NIN: variants seen among roughly 807,000 people sequenced by gnomAD.
The protein encoded by NIN is glycogen synthase kinase 3 beta-interacting protein.
In NIN, 137 loss-of-function variants were observed where a neutral mutation model predicts 257.6. That is an observed-to-expected ratio of 0.53 (90% CI 0.46 to 0.61). NIN has a LOEUF of 0.61. Ranked by LOEUF, NIN falls within the 20% of genes least tolerant of loss-of-function variation. NIN has a pLI of 0.00. For synonymous variants in NIN, 918 were observed against 919.8 expected (o/e 1.00, Z 0.04); for missense variants, 2,439 against 2,501.2 (o/e 0.98, Z 0.53).
Position 50,752,667 on chromosome 14 carries a change from A to C in NIN, c.4801T>G (p.Ser1601Ala). ...LENTELSQKN[S>A]QNQEKLQELN... ...TCTTGCAGTTTTTCCTGGTTTTGAG[A>C]GTTCTTTTGGCTAAGTTCTGTATTT... The change falls in exon 21 of 31, where the codon TCT (serine) becomes GCT (alanine). Residue 1601 changes from serine to alanine, a missense_variant. This residue lies in a region of NIN where 2,043 missense variants were observed against 2,050.2 expected (regional missense o/e 1.00). Transcript: ENST00000530997. 8 of 1,613,386 alleles carry C rather than the reference A, an allele frequency of 5.0e-6. No homozygotes were observed. Among genetic ancestry groups the C allele is most frequent in the Non-Finnish European group, 6.8e-6 (8 of 1,179,672 alleles).
Position 50,770,968 on chromosome 14 carries a change from T to C in NIN, c.1143A>G (p.Arg381=). ...HLLERVDQVV[R]EKEKLRSDLD... ...GATCTGACCGTAGCTTCTCTTTTTCTCTGACCACCTGATCAACTCGTTCCC... is the reference window on the plus strand; with the variant it reads ...GATCTGACCGTAGCTTCTCTTTTTCCCTGACCACCTGATCAACTCGTTCCC... The change falls in exon 11 of 31, where the codon AGA becomes AGG. Residue 381 remains arginine, a synonymous_variant. Coordinates refer to ENST00000530997, the MANE Select transcript of NIN (RefSeq NM_020921.4). The C allele has an allele frequency of 6.2e-7, 1 of 1,614,142 alleles. No individual in the cohort carries two copies. The highest frequency in any genetic ancestry group is 8.5e-7 in the Non-Finnish European group (1 of 1,180,038).
At chr14:50,795,791 G>C (rs1020166868) in intron 4 of NIN, among the ~76,000 whole-genome samples, 1 of 152,186 alleles carries the variant, frequency 6.6e-6, no homozygotes, top group Non-Finnish European at 1.5e-5. Context: ...GAAATGCCTG[G>C]CCAATATGGC....
At position 50,767,640 on chromosome 14, in the gene NIN, A is replaced by AC. The variant is rs1227615484; in HGVS notation, c.1435-751dup. Among the ~76,000 whole-genome samples the AC allele has an allele frequency of 3.9e-5, 6 of 152,068 alleles. No homozygotes were observed. In the South Asian group the frequency reaches 6.2e-4, roughly 16 times the overall value. On this transcript the variant is annotated intron_variant, in intron 12 of 30. Transcript: ENST00000530997. ...AGACCATCCTGGCGAACACGGTGAA[A>AC]CCCCGTCTCTACTAAAAATACAAAA...
intron 4 of NIN, among the ~76,000 whole-genome samples, chr14:50,803,448 G>GA (rs2142153032): frequency 6.6e-6 from 1 of 152,328 alleles, no homozygotes; most frequent in Non-Finnish European, 1.5e-5. Context: ...AGGCATCCCT[G>GA]TCCCTAACGA....
In NIN at chr14:50,773,090, G is replaced by A. The variant is rs566254967; in HGVS notation, c.672C>T (p.Leu224=). The change falls in exon 8 of 31, where the codon CTC becomes CTT. Residue 224 remains leucine (L), a synonymous_variant. Coordinates refer to ENST00000530997, the MANE Select transcript of NIN (RefSeq NM_020921.4). ...GATCAAGATTATGGAATACTTCCTCGAGCATCTAGAAAAGAGTCATCACAT... is the reference window on the plus strand; with the variant it reads ...GATCAAGATTATGGAATACTTCCTCAAGCATCTAGAAAAGAGTCATCACAT... The part of the protein sequence containing the change: ...YGLQNVDGEM[L]EEVFHNLDPD... 15 of 1,609,848 alleles carry A rather than the reference G, an allele frequency of 9.3e-6. No homozygotes were observed. The highest frequency in any genetic ancestry group is 6.7e-5 in the Admixed American group (4 of 59,452).
At chr14:50,828,323 T>C (rs1264387390) in intron 2 of NIN, among the ~76,000 whole-genome samples, 2 of 152,228 alleles carry the variant, frequency 1.3e-5, no homozygotes, top group Non-Finnish European at 2.9e-5. Flanking sequence ...ATCCAAAAGC[T>C]TGAATAAATG....
intron 25 of NIN, among the ~76,000 whole-genome samples, chr14:50,740,802 T>C (rs1048141612): frequency 3.9e-5 from 6 of 152,246 alleles, no homozygotes; most frequent in Non-Finnish European, 7.3e-5. Flanking sequence ...AGTTTTTTTA[T>C]AAAAAGTTTC....
Position 50,758,298 on chromosome 14 carries a change from TCGA to T in NIN, c.2729_2731del (p.Val910del). ...CAGGTCTTGGAGTAGCTGCTGTCTCTCGACGACCATGCTGTTCAAATGTTCTTT... is the reference window on the plus strand; with the variant it reads ...CAGGTCTTGGAGTAGCTGCTGTCTCTCGACCATGCTGTTCAAATGTTCTTT... On this transcript the variant is annotated inframe_deletion, in exon 18 of 31. Transcript: ENST00000530997. 6.2e-7 allele frequency: 1 copy of T among 1,614,260 alleles called. No homozygotes were observed. Among genetic ancestry groups the T allele is most frequent in the Non-Finnish European group, 8.5e-7 (1 of 1,180,052 alleles).
chr14:50,826,500 A>G (rs1352841800), intron 2 of NIN, among the ~76,000 whole-genome samples: 1 of 152,236 alleles, frequency 6.6e-6, no homozygotes, highest in African/African-American at 2.4e-5. Flanking sequence ...GCCGACTCTG[A>G]CAGTGGTGTT....
intron 5 of NIN, among the ~76,000 whole-genome samples, chr14:50,789,001 G>C (rs890534748): frequency 6.6e-6 from 1 of 152,250 alleles, no homozygotes; most frequent in Non-Finnish European, 1.5e-5. Flanking sequence ...AGTCCAAAAA[G>C]GTGAGCTGAG....
chr14:50,744,201 G>A, intron 23 of NIN, 42 bp downstream of exon 23: 1 of 1,605,178 alleles, frequency 6.2e-7, no homozygotes, highest in Non-Finnish European at 8.5e-7. Context: ...ATTATGGTGT[G>A]TATTGTATAC....
At chr14:50,742,498 A>C (rs557493659) in intron 24 of NIN, 1 of 149,216 alleles carries the variant, frequency 6.7e-6, no homozygotes, top group South Asian at 2.1e-4. Flanking sequence ...GGTTCACGCC[A>C]TTCTCCTGCC....
Position 50,748,212 on chromosome 14 carries a change from T to A in NIN, c.4951-107A>T, listed in dbSNP as rs11624766. 6 of 650,378 alleles carry A rather than the reference T, an allele frequency of 9.2e-6. No homozygotes were observed. In the Admixed American group the frequency reaches 1.1e-4, roughly 12 times the overall value. The allele number at this position is 650,378 out of a possible 1,614,324, so 40.3% of individuals were successfully genotyped here. Reference sequence around the variant, plus strand: ...TAAGGAAACAGTAATATGAACTCAATGACACTGTTTTATGACCATTTTTTA... The same window carrying A: ...TAAGGAAACAGTAATATGAACTCAAAGACACTGTTTTATGACCATTTTTTA... On this transcript the variant is annotated intron_variant, in intron 21 of 30. Transcript: ENST00000530997.
chr14:50,765,771 T>A (rs1595813897), intron 14 of NIN, among the ~76,000 whole-genome samples: 1 of 148,960 alleles, frequency 6.7e-6, no homozygotes, highest in African/African-American at 2.4e-5. Flanking sequence ...CCAAATCACG[T>A]CAGATTAGAT....
Position 50,756,678 on chromosome 14 carries a change from A to T in NIN, c.4352T>A (p.Ile1451Lys). 1 of 1,551,930 alleles carries T rather than the reference A, an allele frequency of 6.4e-7. No individual in the cohort carries two copies. The highest frequency in any genetic ancestry group is 1.2e-5 in the South Asian group (1 of 84,160). The change falls in exon 18 of 31, where the codon ATA becomes AAA. Residue 1451 changes from isoleucine (I) to lysine (K), a missense_variant. Ile to Lys is a moderately radical substitution (Grantham distance 102). Coordinates refer to ENST00000530997, the MANE Select transcript of NIN (RefSeq NM_020921.4). ...QDKHFQHQAT[I>K]AELELEKTKL... ...TGTTTTCTCCAGTTCTAACTCTGCT[A>T]TGGTGGCCTGATGCTGAAAATGTTT...
chr14:50,752,719 T>G lies in NIN; in HGVS notation c.4749A>C (p.Lys1583Asn). 1 of 1,582,728 alleles carries G rather than the reference T, an allele frequency of 6.3e-7. No individual in the cohort carries two copies. Among genetic ancestry groups the G allele is most frequent in the Non-Finnish European group, 8.6e-7 (1 of 1,162,600 alleles). The change falls in exon 21 of 31, where the codon AAA becomes AAC. Residue 1583 changes from lysine to asparagine, a missense_variant. Physicochemically the swap from Lys to Asn is moderately conservative, Grantham distance 94. This residue lies in a region of NIN where 2,043 missense variants were observed against 2,050.2 expected (regional missense o/e 1.00). Coordinates refer to ENST00000530997, the MANE Select transcript of NIN (RefSeq NM_020921.4). ...CCAAATCCAATTGTTGGTTTTTGAT[T>G]TTTAATTCTGAAATCTAATTAAAAT... ...ENLKKQISEL[K>N]IKNQQLDLEN...
chr14:50,758,723 G>A, intron 17 of NIN, 93 bp from the exon 18 acceptor site: 1 of 1,166,910 alleles, frequency 8.6e-7, no homozygotes, highest in Non-Finnish European at 1.2e-6. Context: ...AAGCTGCTGA[G>A]CAAACAACTG....
At chr14:50,727,282 G>C (rs1227965809) in intron 29 of NIN, 1 of 974,862 alleles carries the variant, frequency 1.0e-6, no homozygotes, top group East Asian at 7.0e-5. Flanking sequence ...CTGTCAAAAA[G>C]ATTTGTACAT....
Position 50,722,570 on chromosome 14 carries a change from T to C in NIN, c.*893A>G, listed in dbSNP as rs1566767835. The stretch of plus-strand genomic sequence containing the variant: ...GTTTACAGTATTGTTCCCTGAGTTC[T>C]TGAGGCAACCTCAAGTAAATTTATG... On this transcript the variant is annotated 3_prime_UTR_variant, in exon 31 of 31. Coordinates refer to ENST00000530997, the MANE Select transcript of NIN (RefSeq NM_020921.4). 4.7e-6 allele frequency: 1 copy of C among 211,490 alleles called. No individual in the cohort carries two copies. Among genetic ancestry groups the C allele is most frequent in the East Asian group, 7.1e-5 (1 of 14,026 alleles). 13.1% of individuals were successfully genotyped at this position (211,490 alleles called of 1,614,324 possible).
Sources: allele counts gnomAD v4.1 joint callset (sites outside exome capture counted in the v4.1 genomes callset), GRCh38; gene constraint gnomAD v4.1.1; regional missense constraint gnomAD v4.1.1; transcripts MANE v1.5; gene names NCBI Gene and HGNC (gene_info 2026-07-23, HGNC 2026-07-21).